PMPCB: variants seen among roughly 807,000 people sequenced by gnomAD.
PMPCB encodes mitochondrial-processing peptidase subunit beta.
PMPCB carries 46 observed loss-of-function variants against 61.5 expected under a neutral mutation model. The observed-to-expected ratio is 0.75, with a 90% CI of 0.59 to 0.96. The LOEUF (loss-of-function observed/expected upper bound fraction) is 0.96, where lower values mean the gene tolerates loss of function less well. PMPCB is among the 40% of genes least tolerant of loss of function. The pLI, the probability that PMPCB is intolerant of heterozygous loss-of-function variation, is 0.00. For synonymous variants in PMPCB, 191 were observed against 201.6 expected, an observed-to-expected ratio of 0.95 and a Z score of 0.44; for missense variants, 590 against 602.4, an observed-to-expected ratio of 0.98 and a Z score of 0.22.
chr7:103,345,997 A>G, the PMPCB span, among the ~76,000 whole-genome samples: 1 of 151,910 alleles, frequency 6.6e-6, no homozygotes, highest in East Asian at 1.9e-4. Context: ...CCTGATCCCT[A>G]CTAATGCAAC....
rs1331600154 is a variant in PMPCB at position 103,313,999 on chromosome 7, A to C, written c.*1728A>C. On this transcript the variant is annotated 3_prime_UTR_variant, in exon 13 of 13. Transcript: ENST00000249269. ...CTGTTAAAAGTTAAGCCTAGAAACC[A>C]AAGTTCCTTCCCAATTAAAGAAGGA... The C allele has an allele frequency of 2.0e-6, 2 of 985,310 alleles. No homozygotes were observed. Among genetic ancestry groups the C allele is most frequent in the African/African-American group, 3.5e-5 (2 of 57,238 alleles). 61.0% of individuals were successfully genotyped at this position (985,310 alleles called of 1,614,324 possible).
intron 12 of PMPCB, among the ~76,000 whole-genome samples, chr7:103,320,278 C>T (rs966331429): frequency 1.9e-4 from 29 of 151,732 alleles, no homozygotes; most frequent in Non-Finnish European, 3.4e-4. Context: ...TTAGTAGAGA[C>T]GGGGTTTCAC....
intron 6 of PMPCB, among the ~76,000 whole-genome samples, chr7:103,306,765 T>C (rs1817604281): frequency 6.6e-6 from 1 of 152,132 alleles, no homozygotes. Context: ...TTTAATTTTA[T>C]TTATTTTAGA....
At position 103,308,983 on chromosome 7, in the gene PMPCB, C is replaced by T. The variant is rs142471700; in HGVS notation, c.881C>T (p.Ala294Val). 2.9e-4 allele frequency: 465 copies of T among 1,598,612 alleles called. 1 individual carries two copies. Among genetic ancestry groups the T allele is most frequent in the Non-Finnish European group, 3.7e-4 (431 of 1,172,156 alleles). Residue 294 changes from alanine (A) to valine (V), a missense_variant, in exon 8 of 13, where the codon GCG (alanine) becomes GTG (valine). Physicochemically the swap from Ala to Val is moderately conservative, Grantham distance 64 (BLOSUM62 0). Coordinates refer to ENST00000249269, the MANE Select transcript of PMPCB (RefSeq NM_004279.3). ...GTGAGGGATGACAAGATGCCTTTGGCGCACCTTGCAATAGCTGTTGAAGCT... is the reference window on the plus strand; with the variant it reads ...GTGAGGGATGACAAGATGCCTTTGGTGCACCTTGCAATAGCTGTTGAAGCT... ...IRVRDDKMPL[A>V]HLAIAVEAVG...
intron 8 of PMPCB, 83 bp from the exon 9 acceptor site, chr7:103,310,232 C>T (rs555613412): frequency 3.4e-5 from 35 of 1,020,892 alleles, no homozygotes; most frequent in Non-Finnish European, 4.8e-5. Flanking sequence ...AGGATATTCA[C>T]TATTTTCCAC....
At chr7:103,323,809 G>C (rs1818554661) in intron 12 of PMPCB, 6 of 627,250 alleles carry the variant, frequency 9.6e-6, no homozygotes, top group South Asian at 6.6e-5. Context: ...CTTTTTTAAG[G>C]ACATTGCATT....
chr7:103,303,292 T>C (rs898185715), intron 4 of PMPCB, among the ~76,000 whole-genome samples: 1 of 152,224 alleles, frequency 6.6e-6, no homozygotes, highest in Non-Finnish European at 1.5e-5. Flanking sequence ...AATTTTTGTA[T>C]TTTTTGTAGA....
In PMPCB at chr7:103,327,989, C is replaced by T. The variant is rs1316428018; in HGVS notation, c.*1432-942C>T. On this transcript the variant is annotated intron_variant and NMD_transcript_variant, in intron 12 of 12. Transcript: ENST00000444457. ...AGGCTGGAGTGTAATGGCACGATCTCGGCTCACTGCAACCTCCGCCTCCCG... is the reference window on the plus strand; with the variant it reads ...AGGCTGGAGTGTAATGGCACGATCTTGGCTCACTGCAACCTCCGCCTCCCG... Among the ~76,000 whole-genome samples, 5 of 152,224 alleles carry T rather than the reference C, an allele frequency of 3.3e-5. No homozygotes were observed. The South Asian group carries it at 8.3e-4, about 25-fold the overall frequency.
At position 103,326,507 on chromosome 7, in the gene PMPCB, C is replaced by A. The variant is rs140631819; in HGVS notation, c.*1432-2424C>A. 2,348 of 1,609,468 alleles carry A rather than the reference C, an allele frequency of 1.5e-3. 27 individuals carry two copies. The African/African-American group carries it at 0.026, about 18-fold the overall frequency. On this transcript the variant is annotated intron_variant and NMD_transcript_variant, in intron 12 of 12. Coordinates refer to the PMPCB transcript ENST00000444457. ...TGGAAGACTACAATAAACAAGCCAA[C>A]AGGGCACTATGATCAAAAGGGATGC...
chr7:103,324,375 G>A, intron 12 of PMPCB: 9 of 994,874 alleles, frequency 9.0e-6, no homozygotes, highest in Non-Finnish European at 1.2e-5. Flanking sequence ...GTTCAGTGAA[G>A]GTTCTGCAAT....
rs1422379559 is a variant in PMPCB, at chr7:103,298,630, T to C, written c.162T>C (p.Asn54=). The part of the protein sequence containing the change: ...STQAATQVVL[N]VPETRVTCLE... ...AGGCTGCTACCCAAGTTGTTCTGAA[T>C]GTTCCTGAAACAAGAGTAACATGTT... Residue 54 remains asparagine, a synonymous_variant, in exon 2 of 13, where the codon AAT becomes AAC. Coordinates refer to ENST00000249269, the MANE Select transcript of PMPCB (RefSeq NM_004279.3). The C allele has an allele frequency of 1.2e-6, 2 of 1,614,114 alleles. No homozygotes were observed. The highest frequency in any genetic ancestry group is 2.2e-5 in the South Asian group (2 of 91,090).
rs776345549 is a variant in PMPCB at position 103,299,492 on chromosome 7, A to G, written c.290A>G (p.Asn97Ser). 13 of 1,612,938 alleles carry G rather than the reference A, an allele frequency of 8.1e-6. No individual in the cohort carries two copies. Among genetic ancestry groups the G allele is most frequent in the Admixed American group, 3.3e-5 (2 of 59,938 alleles). The change falls in exon 3 of 13, where the codon AAT (asparagine) becomes AGT (serine). Residue 97 changes from asparagine to serine, a missense_variant. Physicochemically the swap from Asn to Ser is conservative, Grantham distance 46 (BLOSUM62 1). Transcript: ENST00000249269. ...AGTAGATACGAAAATGAGAAGAACAATGGAACAGCACACTTTCTGGAGCAT... is the reference window on the plus strand; with the variant it reads ...AGTAGATACGAAAATGAGAAGAACAGTGGAACAGCACACTTTCTGGAGCAT... ...AGSRYENEKNNGTAHFLEHMA... is the reference protein window; with the variant it reads ...AGSRYENEKNSGTAHFLEHMA...
chr7:103,346,446 T>TA, the PMPCB span, among the ~76,000 whole-genome samples: 13 of 152,138 alleles, frequency 8.5e-5, no homozygotes, highest in Admixed American at 8.5e-4. Context: ...TTTTGTTTTT[T>TA]AAAAAAATTG....
At chr7:103,310,674 ATTT>A (rs377252653) in intron 9 of PMPCB, 199 bp downstream of exon 9, 406 of 158,242 alleles carry the variant, frequency 2.6e-3, no homozygotes, top group Middle Eastern at 0.012. Flanking sequence ...ATACTATAGA[ATTT>A]TTTTTTTTTT....
At chr7:103,300,094 T>C (rs1817407397) in intron 3 of PMPCB, 84 bp from the exon 4 acceptor site, 1 of 1,311,792 alleles carries the variant, frequency 7.6e-7, no homozygotes, top group Non-Finnish European at 1.1e-6. Context: ...AACTAACTTA[T>C]GTCCTCCATA....
chr7:103,324,339 T>C, intron 12 of PMPCB: 1 of 596,040 alleles, frequency 1.7e-6, no homozygotes. Flanking sequence ...AAAGTGTAAA[T>C]ATCACATAGG....
At chr7:103,341,813 T>A in the PMPCB span, 6 of 1,609,348 alleles carry the variant, frequency 3.7e-6, no homozygotes, top group Non-Finnish European at 5.1e-6. Context: ...CTCTTCCAAC[T>A]GCAATTCTTC....
intron 12 of PMPCB, chr7:103,323,706 GA>G (rs759184926): frequency 6.5e-5 from 84 of 1,290,752 alleles, no homozygotes; most frequent in Non-Finnish European, 7.5e-5. Flanking sequence ...CAGAATAAAT[GA>G]AAAAAAATTC....
At chr7:103,322,879 G>A in intron 12 of PMPCB, 1 of 1,041,678 alleles carries the variant, frequency 9.6e-7, no homozygotes, top group Non-Finnish European at 1.4e-6. Flanking sequence ...ATATTTATAT[G>A]TACATAACAT....
Sources: gnomAD v4.1 joint callset for allele counts (sites outside exome capture counted in the v4.1 genomes callset) on GRCh38, gnomAD v4.1.1 for gene constraint, MANE v1.5 for transcripts, NCBI Gene and HGNC (gene_info 2026-07-23, HGNC 2026-07-21) for gene names.